CLRN1: variants seen among roughly 807,000 people sequenced by gnomAD.
CLRN1 encodes clarin 1.
Under a neutral mutation model 18.7 loss-of-function variants are expected in CLRN1, and 15 were observed. The ratio of observed to expected loss-of-function variants is 0.80; its 90% CI spans 0.54 to 1.23. The LOEUF (loss-of-function observed/expected upper bound fraction) is 1.23. Among genes scored for constraint, CLRN1 ranks in the 50% most tolerant of loss-of-function variants. The probability of loss-of-function intolerance (pLI) is 0.00; values close to 1 mark genes in which losing one functional copy is unlikely to be tolerated. For synonymous variants in CLRN1, 104 were observed against 102.9 expected, an observed-to-expected ratio of 1.01 and a Z score of -0.07; for missense variants, 311 against 277.5, an observed-to-expected ratio of 1.12 and a Z score of -0.86.
At chr3:150,947,263 T>G (rs1714225172) in intron 1 of CLRN1, among the ~76,000 whole-genome samples, 2 of 151,734 alleles carry the variant, frequency 1.3e-5, no homozygotes, top group South Asian at 4.2e-4. Flanking sequence ...CAATCCTAAT[T>G]TCAGACAAAG....
intron 1 of CLRN1, among the ~76,000 whole-genome samples, chr3:150,968,604 T>C (rs970991958): frequency 6.6e-6 from 1 of 152,234 alleles, no homozygotes; most frequent in Non-Finnish European, 1.5e-5. Flanking sequence ...ATGACTACAT[T>C]GCCAAACTAT....
intron 1 of CLRN1, among the ~76,000 whole-genome samples, chr3:150,971,532 GC>G (rs1292247977): frequency 3.9e-5 from 6 of 152,028 alleles, no homozygotes; most frequent in African/African-American, 1.4e-4. Flanking sequence ...AAAAACCTGG[GC>G]AAAATAATAA....
At chr3:150,937,911 G>A (rs552575804) in intron 2 of CLRN1, among the ~76,000 whole-genome samples, 1 of 152,268 alleles carries the variant, frequency 6.6e-6, no homozygotes, top group South Asian at 2.1e-4. Flanking sequence ...ATAAGGAGAT[G>A]CCCATAGCAG....
rs757563342 is a variant in CLRN1 at position 150,972,493 on chromosome 3, C to A, written c.216G>T (p.Arg72Ser). ...QYGLFHGEGV[R>S]QCGLGARPFR... ...AGGGCCTTGCTCCCAACCCACACTGCCTCACACCCTCTCCGTGGAAAAGCC... is the reference window on the plus strand; with the variant it reads ...AGGGCCTTGCTCCCAACCCACACTGACTCACACCCTCTCCGTGGAAAAGCC... The change falls in exon 1 of 3, where the codon AGG becomes AGT. Residue 72 changes from arginine to serine, a missense_variant. Arg to Ser is a moderately radical substitution (Grantham distance 110). Transcript: ENST00000327047. 1 of 1,614,198 alleles carries A rather than the reference C, an allele frequency of 6.2e-7. No homozygotes were observed. Among genetic ancestry groups the A allele is most frequent in the South Asian group, 1.1e-5 (1 of 91,082 alleles).
chr3:150,927,708 G>T lies in CLRN1; in HGVS notation c.*228C>A. The T allele has an allele frequency of 1.5e-6, 1 of 668,772 alleles. No individual in the cohort carries two copies. 41.4% of individuals were successfully genotyped at this position (668,772 alleles called of 1,614,324 possible). A position where few individuals can be genotyped will look rare whatever the true frequency, so the allele number is the denominator to read the frequency against. On this transcript the variant is annotated 3_prime_UTR_variant, in exon 3 of 3. Transcript: ENST00000327047. ...TTGTCGATTCTAGTCAACTGCCTTT[G>T]ACTACCTGGGTCAAGCAATTTCCCA...
intron 2 of CLRN1, among the ~76,000 whole-genome samples, chr3:150,935,614 T>C (rs1390030475): frequency 6.6e-6 from 1 of 150,514 alleles, no homozygotes; most frequent in African/African-American, 2.4e-5. Flanking sequence ...TACATGTGCA[T>C]GTGTCTTTAT....
intron 2 of CLRN1, among the ~76,000 whole-genome samples, chr3:150,937,891 A>G (rs1713587097): frequency 6.6e-6 from 1 of 152,076 alleles, no homozygotes; most frequent in Non-Finnish European, 1.5e-5. Flanking sequence ...CATGCACCAC[A>G]TCGGGAGACA....
At chr3:150,936,367 G>A (rs12635944) in intron 2 of CLRN1, among the ~76,000 whole-genome samples, 51,367 of 151,714 alleles carry the variant, frequency 0.34, 8,889 homozygotes, top group South Asian at 0.4. Context: ...TATTTACTTG[G>A]CATCTCCACT....
Position 150,938,911 on chromosome 3 carries a change from G to T in CLRN1, c.433+2671C>A, listed in dbSNP as rs1713642654. ...AGGCAGAGATAGGATCTGGGATTTG[G>T]ATTAAATTCTGTATTCTCTGAGTCA... On this transcript the variant is annotated intron_variant, in intron 2 of 2. Transcript: ENST00000327047. Among the ~76,000 whole-genome samples, 3 of 152,338 alleles carry T rather than the reference G, an allele frequency of 2.0e-5. No homozygotes were observed. In the South Asian group the frequency reaches 6.2e-4, roughly 32 times the overall value.
chr3:150,934,193 T>G (rs1406265042), intron 2 of CLRN1, among the ~76,000 whole-genome samples: 8 of 152,236 alleles, frequency 5.3e-5, no homozygotes, highest in Admixed American at 1.3e-4. Context: ...TGATATATAA[T>G]GTAACTGTTC....
rs534020824 is a variant in CLRN1 at position 150,969,577 on chromosome 3, T to C, written c.253+2879A>G. On this transcript the variant is annotated intron_variant, in intron 1 of 2. Transcript: ENST00000327047. ...CCTGACCCTGTGTCCTCCCAAAGTG[T>C]TGGCCTCCCAAAAGTTGGGATTACA... 3.7e-4 allele frequency among the ~76,000 whole-genome samples: 56 copies of C among 152,028 alleles called. No individual in the cohort carries two copies. In the East Asian group the frequency reaches 0.011, roughly 29 times the overall value.
At chr3:150,954,827 A>G (rs1714659507) in intron 1 of CLRN1, among the ~76,000 whole-genome samples, 2 of 152,226 alleles carry the variant, frequency 1.3e-5, no homozygotes. Flanking sequence ...ATTTTTGCAT[A>G]TAGATATCCA....
chr3:150,932,258 G>T (rs568344442), intron 2 of CLRN1, among the ~76,000 whole-genome samples: 19 of 152,216 alleles, frequency 1.2e-4, no homozygotes, highest in African/African-American at 4.6e-4. Flanking sequence ...TACTATATGG[G>T]GAACGTAGGA....
chr3:150,947,470 T>C (rs1714238978), intron 1 of CLRN1, among the ~76,000 whole-genome samples: 1 of 152,166 alleles, frequency 6.6e-6, no homozygotes, highest in African/African-American at 2.4e-5. Flanking sequence ...GAGACTTCAG[T>C]GCTTTACTGA....
intron 1 of CLRN1, among the ~76,000 whole-genome samples, chr3:150,952,146 C>T (rs1714520434): frequency 6.6e-6 from 1 of 152,176 alleles, no homozygotes; most frequent in African/African-American, 2.4e-5. Context: ...GGCAGTGTAG[C>T]TCGTCTTATA....
intron 1 of CLRN1, among the ~76,000 whole-genome samples, chr3:150,957,423 A>G (rs569849410): frequency 5.3e-5 from 8 of 152,100 alleles, no homozygotes; most frequent in African/African-American, 1.9e-4. Flanking sequence ...CACTTCATCA[A>G]GACTGCTTTG....
intron 1 of CLRN1, among the ~76,000 whole-genome samples, chr3:150,948,348 G>A (rs1412620321): frequency 4.9e-4 from 72 of 147,544 alleles, no homozygotes; most frequent in South Asian, 1.8e-3. Context: ...GCCGGACGTG[G>A]TAGCGGGCGC....
At chr3:150,945,760 T>A in intron 1 of CLRN1, 1 of 777,216 alleles carries the variant, frequency 1.3e-6, no homozygotes, top group Non-Finnish European at 1.8e-6. Flanking sequence ...TGAAAGCATT[T>A]AGCAATATCC....
intron 1 of CLRN1, chr3:150,943,901 G>A (rs372840692): frequency 3.3e-5 from 53 of 1,613,446 alleles, no homozygotes; most frequent in Admixed American, 6.7e-5. Flanking sequence ...TCGTTCACTC[G>A]TGTGCTCCCT....
Sources: gnomAD v4.1 joint callset for allele counts (sites outside exome capture counted in the v4.1 genomes callset) on GRCh38, gnomAD v4.1.1 for gene constraint, MANE v1.5 for transcripts, NCBI Gene and HGNC (gene_info 2026-07-23, HGNC 2026-07-21) for gene names.